Variants in RBM5 observed in about 807,000 individuals in gnomAD.
RBM5 encodes RNA binding motif protein 5, also known as RNA-binding protein 5.
In RBM5, 15 loss-of-function variants were observed where a neutral mutation model predicts 124.6. That is an observed-to-expected ratio of 0.12 (90% confidence interval 0.08 to 0.19). RBM5 has a LOEUF of 0.19. Among genes scored for constraint, RBM5 ranks in the 10% least tolerant of loss-of-function variants. The pLI, the probability that RBM5 is intolerant of heterozygous loss-of-function variation, is 1.00. For synonymous variants in RBM5, 337 were observed against 361.2 expected (o/e 0.93, Z 0.76); for missense variants, 580 against 1,026.5 (o/e 0.57, Z 5.94).
chr3:50,108,265 CAAG>C lies in RBM5; in HGVS notation c.1154_1156del (p.Gln385_Ala386delinsPro). On this transcript the variant is annotated inframe_deletion, in exon 14 of 25. Transcript: ENST00000347869. ...GGATTATCAGCAGTTTTATCAACAA[CAAG>C]CTGGAGGATTGGAATCTGATGCATC... The C allele has an allele frequency of 3.7e-6, 6 of 1,613,530 alleles. No homozygotes were observed. The highest frequency in any genetic ancestry group is 5.1e-6 in the Non-Finnish European group (6 of 1,179,442).
chr3:50,115,370 A>G, intron 20 of RBM5, 58 bp from the exon 21 acceptor site: 7 of 1,569,942 alleles, frequency 4.5e-6, no homozygotes, highest in Non-Finnish European at 6.1e-6. Flanking sequence ...CCAGGTACAT[A>G]GCCACCGCCA....
At chr3:50,103,259 G>T (rs2090973672) in intron 7 of RBM5, 93 bp downstream of exon 7, 4 of 1,032,670 alleles carry the variant, frequency 3.9e-6, no homozygotes, top group African/African-American at 1.6e-5. Context: ...CAAGGAAATT[G>T]TTACTCAATC....
intron 3 of RBM5, 46 bp downstream of exon 3, chr3:50,092,254 T>C (rs1416510108): frequency 1.3e-6 from 2 of 1,581,022 alleles, no homozygotes; most frequent in Admixed American, 1.8e-5. Flanking sequence ...CTCTGAGCCT[T>C]ATAGTAATAG....
At chr3:50,118,246 G>A (rs2091294222) in intron 24 of RBM5, 85 bp from the exon 25 acceptor site, 1 of 1,566,418 alleles carries the variant, frequency 6.4e-7, no homozygotes, top group African/African-American at 1.4e-5. Flanking sequence ...CTGGTGGGTG[G>A]TCCTGCTGGG....
At chr3:50,094,024 A>ATT in intron 4 of RBM5, 149 bp downstream of exon 4, 15 of 715,244 alleles carry the variant, frequency 2.1e-5, no homozygotes, top group East Asian at 3.2e-5. Flanking sequence ...AACTGTTTTG[A>ATT]TATTTTTTTT....
chr3:50,116,625 C>T (rs2091257488), intron 22 of RBM5: 1 of 204,386 alleles, frequency 4.9e-6, no homozygotes, highest in South Asian at 7.8e-5. Flanking sequence ...CCCTTCCTGC[C>T]CTACTATCTA....
In RBM5 at chr3:50,110,603, A is replaced by G. The variant is rs532587612; in HGVS notation, c.1364-76A>G. 1.4e-4 allele frequency: 207 copies of G among 1,468,892 alleles called. 1 individual carries two copies. Among genetic ancestry groups the G allele is most frequent in the Non-Finnish European group, 1.5e-4 (161 of 1,053,824 alleles). The allele number at this position is 1,468,892 out of a possible 1,614,324, so 91.0% of individuals were successfully genotyped here. ...AGAGAAGAAACATTAGGCCTGCTGC[A>G]TCTCACTGGCTTAGAATTTGAAATA... On this transcript the variant is annotated intron_variant, in intron 16 of 24. Transcript: ENST00000347869.
rs533730683 is a variant in RBM5 at position 50,090,468 on chromosome 3, C to T, written c.17+17C>T. On this transcript the variant is annotated intron_variant, in intron 2 of 24. Coordinates refer to ENST00000347869, the MANE Select transcript of RBM5 (RefSeq NM_005778.4). The stretch of plus-strand genomic sequence containing the variant: ...AGACAAAAGGTAAGTTACTACAGTA[C>T]GTGGCTTTGATCTCAACATTTCAGT... 1.4e-5 allele frequency: 22 copies of T among 1,613,554 alleles called. No homozygotes were observed. The highest frequency in any genetic ancestry group is 8.9e-5 in the East Asian group (4 of 44,870).
Position 50,108,151 on chromosome 3 carries a change from G to A in RBM5, c.1119+4G>A. On this transcript the variant is annotated splice_donor_region_variant and intron_variant, in intron 13 of 24. Coordinates refer to ENST00000347869, the MANE Select transcript of RBM5 (RefSeq NM_005778.4). ...TGGCTATGCCCAATATGCTCAGGTA[G>A]GTAGATTTTAGCAGCATCCACCTTA... is the stretch of plus-strand genomic sequence containing the variant. The A allele has an allele frequency of 6.2e-7, 1 of 1,608,744 alleles. No individual in the cohort carries two copies. The highest frequency in any genetic ancestry group is 8.5e-7 in the Non-Finnish European group (1 of 1,175,126).
intron 16 of RBM5, 67 bp downstream of exon 16, chr3:50,110,530 GTTC>G (rs1448054699): frequency 3.9e-6 from 6 of 1,523,648 alleles, no homozygotes; most frequent in East Asian, 4.5e-5. Context: ...TTTAATGAGA[GTTC>G]TTCTCCCTTT....
intron 24 of RBM5, 65 bp from the exon 25 acceptor site, chr3:50,118,266 G>GTGAGA: frequency 6.3e-7 from 1 of 1,599,924 alleles, no homozygotes; most frequent in South Asian, 1.1e-5. Flanking sequence ...GTAAGGAGTG[G>GTGAGA]GCATGGTGAG....
chr3:50,113,557 C>A lies in RBM5; in HGVS notation c.1617+13C>A. 1.3e-6 allele frequency: 2 copies of A among 1,599,248 alleles called. No homozygotes were observed. Among genetic ancestry groups the A allele is most frequent in the Non-Finnish European group, 1.7e-6 (2 of 1,172,262 alleles). Reference sequence around the variant, plus strand: ...AACAGCCCAGCAGGTTAGAACATGACCCATATTTCTTTCATTGAGGTATTG... The same window carrying A: ...AACAGCCCAGCAGGTTAGAACATGAACCATATTTCTTTCATTGAGGTATTG... On this transcript the variant is annotated intron_variant, in intron 18 of 24. Coordinates refer to ENST00000347869, the MANE Select transcript of RBM5 (RefSeq NM_005778.4).
At chr3:50,115,762 C>G in intron 21 of RBM5, 144 bp from the exon 22 acceptor site, 1 of 1,182,626 alleles carries the variant, frequency 8.5e-7, no homozygotes, top group South Asian at 1.4e-5. Flanking sequence ...TCTGGCAGCT[C>G]CACACACATC....
rs887198848 is a variant in RBM5, at chr3:50,088,923, T to C, written c.-160T>C. 3 of 152,174 alleles carry C rather than the reference T, an allele frequency of 2.0e-5. No individual in the cohort carries two copies. Among genetic ancestry groups the C allele is most frequent in the Non-Finnish European group, 4.4e-5 (3 of 68,064 alleles). 9.4% of individuals were successfully genotyped at this position (152,174 alleles called of 1,614,324 possible). A position where few individuals can be genotyped will look rare whatever the true frequency, so the allele number is the denominator to read the frequency against. On this transcript the variant is annotated 5_prime_UTR_variant, in exon 1 of 25. Coordinates refer to ENST00000347869, the MANE Select transcript of RBM5 (RefSeq NM_005778.4). Reference sequence around the variant, plus strand: ...GGGAGGGGATAAGCGTGAGGTACTGTGGGTAGGAGACGGCCGTCGGCGGAG... The same window carrying C: ...GGGAGGGGATAAGCGTGAGGTACTGCGGGTAGGAGACGGCCGTCGGCGGAG...
At position 50,117,038 on chromosome 3, in the gene RBM5, G is replaced by C. The variant is rs1302800688; in HGVS notation, c.2095-36G>C. 1 of 1,578,828 alleles carries C rather than the reference G, an allele frequency of 6.3e-7. No homozygotes were observed. Among genetic ancestry groups the C allele is most frequent in the African/African-American group, 1.3e-5 (1 of 74,106 alleles). ...ATTAGACGGTTACAGGTTGAAGTCTGTGAACATTTCCAGCAGTGTTTTTTC... is the reference window on the plus strand; with the variant it reads ...ATTAGACGGTTACAGGTTGAAGTCTCTGAACATTTCCAGCAGTGTTTTTTC... On this transcript the variant is annotated intron_variant, in intron 22 of 24. Transcript: ENST00000347869. This position sits in a 1 kb window ranked among gnomAD's most constrained non-coding sequence, Gnocchi z 4.2.
chr3:50,108,971 C>G (rs2091092010), intron 14 of RBM5, among the ~76,000 whole-genome samples: 1 of 152,214 alleles, frequency 6.6e-6, no homozygotes, highest in Non-Finnish European at 1.5e-5. Context: ...AAGAGCTACT[C>G]TAAGAAGCCT....
intron 8 of RBM5, 120 bp from the exon 9 acceptor site, chr3:50,104,957 A>G: frequency 1.3e-6 from 1 of 794,570 alleles, no homozygotes; most frequent in East Asian, 2.7e-5. Flanking sequence ...ACAAATGCTT[A>G]AAAAAGAAAA....
At chr3:50,111,142 T>G (rs1277936538) in intron 17 of RBM5, among the ~76,000 whole-genome samples, 1 of 152,228 alleles carries the variant, frequency 6.6e-6, no homozygotes, top group Non-Finnish European at 1.5e-5. Flanking sequence ...CTATTTTGAT[T>G]TCTGTTGCCA....
chr3:50,114,512 T>C, intron 20 of RBM5: 2 of 457,994 alleles, frequency 4.4e-6, no homozygotes, highest in Non-Finnish European at 7.6e-6. Context: ...TGGAGAGTTT[T>C]AATGGTCTGG....
Sources: gnomAD v4.1 joint callset for allele counts (sites outside exome capture counted in the v4.1 genomes callset) on GRCh38, gnomAD v4.1.1 for gene constraint, Gnocchi (gnomAD v3.1) non-coding constraint, MANE v1.5 for transcripts, NCBI Gene and HGNC (gene_info 2026-07-23, HGNC 2026-07-21) for gene names.